The following DNAH3 variants were observed in gnomAD, a reference collection of about 807,000 sequenced individuals.
The protein encoded by DNAH3 is axonemal beta dynein heavy chain 3.
DNAH3 carries 332 observed loss-of-function variants against 432.5 expected under a neutral mutation model. That is an observed-to-expected ratio of 0.77 (90% CI 0.70 to 0.84). The LOEUF is 0.84. Among genes scored for constraint, DNAH3 ranks in the 40% least tolerant of loss-of-function variants. DNAH3 has a pLI of 0.00. For missense variants in DNAH3, 4,861 were observed against 5,114.0 expected, an observed-to-expected ratio of 0.95 and a Z score of 1.51; for synonymous variants, 1,956 against 1,900.2, an observed-to-expected ratio of 1.03 and a Z score of -0.76.
chr16:20,941,394 G>A lies in DNAH3; in HGVS notation c.11654+7C>T. On this transcript the variant is annotated splice_region_variant and intron_variant, in intron 59 of 61. Coordinates refer to ENST00000261383, the Ensembl canonical transcript of DNAH3. ...TCCCAGGATTCAAGCTACATCATCTGGCCCACCTGTTGAATCTGATGAGCT... is the reference window on the plus strand; with the variant it reads ...TCCCAGGATTCAAGCTACATCATCTAGCCCACCTGTTGAATCTGATGAGCT... The A allele has an allele frequency of 6.2e-7, 1 of 1,613,694 alleles. No individual in the cohort carries two copies. The highest frequency in any genetic ancestry group is 8.5e-7 in the Non-Finnish European group (1 of 1,179,826).
chr16:21,101,985 G>A (rs997953521), intron 16 of DNAH3, among the ~76,000 whole-genome samples: 2 of 152,216 alleles, frequency 1.3e-5, no homozygotes, highest in African/African-American at 4.8e-5. Flanking sequence ...TGTGGACTGG[G>A]AAAATAAAGC....
chr16:21,158,750 AGAGCTCG>A (rs1172443971), intron 1 of DNAH3: 7 of 153,138 alleles, frequency 4.6e-5, no homozygotes, highest in Non-Finnish European at 7.3e-5. Context: ...GGAGCAGGTG[AGAGCTCG>A]GAGCTTGGGG....
chr16:20,996,115 T>C (rs562286614), intron 44 of DNAH3, among the ~76,000 whole-genome samples: 4 of 152,354 alleles, frequency 2.6e-5, no homozygotes, highest in African/African-American at 9.6e-5. Context: ...TCTGTTTTTA[T>C]GTGACGATTT....
At chr16:20,979,438 T>C (rs2085752696) in exon 50 of DNAH3, 1 of 1,614,132 alleles carries the variant, frequency 6.2e-7, no homozygotes. Context: ...TTAGAATCAA[T>C]TCAAGGTAGG....
At position 21,141,374 on chromosome 16, in the gene DNAH3, T is replaced by C. The variant is rs754961545; in HGVS notation, c.449-2A>G. 1 of 1,583,630 alleles carries C rather than the reference T, an allele frequency of 6.3e-7. No homozygotes were observed. The highest frequency in any genetic ancestry group is 1.8e-5 in the Admixed American group (1 of 56,412). ...TGGGCTCTGATGAGCTTCTATTTCC[T>C]GGAAGAATGGAGAAGAAAGACATCA... On this transcript the variant is annotated splice_acceptor_variant, in intron 3 of 61. Transcript: ENST00000261383. LOFTEE classifies it high-confidence loss of function.
rs768894217 is a variant in DNAH3, at chr16:20,982,721, T to C, written c.7859A>G (p.Glu2620Gly). The change falls in exon 49 of 62, where the codon GAG becomes GGG. Residue 2620 changes from glutamate (E) to glycine (G), a missense_variant and splice_region_variant. Coordinates refer to ENST00000261383, the Ensembl canonical transcript of DNAH3. ...GTCCTAAAATGCAATCAACACTTAC[T>C]CTACCCGAATGTTGTCATCAAGCTC... 5 of 1,612,656 alleles carry C rather than the reference T, an allele frequency of 3.1e-6. No homozygotes were observed. In the African/African-American group the frequency reaches 6.7e-5, roughly 22 times the overall value.
At position 20,969,233 on chromosome 16, in the gene DNAH3, GCT is replaced by G. The variant is rs949396086; in HGVS notation, c.8458+557_8458+558del. On this transcript the variant is annotated intron_variant, in intron 52 of 61. Transcript: ENST00000261383. ...ATGTCTGCAAGTGTGTTCGTGCATG[GCT>G]CTGTGTGTGCATGTATGTCTATATG... 1.3e-4 allele frequency among the ~76,000 whole-genome samples: 20 copies of G among 149,786 alleles called. 1 individual carries two copies. The highest frequency in any genetic ancestry group is 4.9e-4 in the African/African-American group (20 of 40,542).
At chr16:21,116,346 C>T (rs1446595601) in intron 12 of DNAH3, among the ~76,000 whole-genome samples, 3 of 151,850 alleles carry the variant, frequency 2.0e-5, no homozygotes, top group East Asian at 3.9e-4. Flanking sequence ...ATCATGAGAG[C>T]GGTTACCCTC....
intron 42 of DNAH3, 38 bp from the exon 43 acceptor site, chr16:21,000,556 C>T: frequency 1.9e-6 from 3 of 1,544,870 alleles, no homozygotes; most frequent in Non-Finnish European, 2.6e-6. Flanking sequence ...CGGTTGTGGG[C>T]CCAGGAAGCT....
intron 27 of DNAH3, among the ~76,000 whole-genome samples, chr16:21,055,543 T>C (rs926212132): frequency 3.2e-4 from 48 of 152,180 alleles, no homozygotes; most frequent in Admixed American, 1.3e-4. Flanking sequence ...TATCTTTGTA[T>C]TATATTTTCA....
chr16:20,953,711 A>C (rs1407098950), intron 55 of DNAH3, among the ~76,000 whole-genome samples: 1 of 151,934 alleles, frequency 6.6e-6, no homozygotes, highest in African/African-American at 2.4e-5. Context: ...AGCTGGGACT[A>C]CAGGCTTGTG....
At chr16:21,079,780 T>C (rs1248118823) in intron 20 of DNAH3, among the ~76,000 whole-genome samples, 2 of 152,226 alleles carry the variant, frequency 1.3e-5, no homozygotes, top group East Asian at 3.8e-4. Flanking sequence ...CCTAAGGGTT[T>C]TTATCCTAAA....
intron 49 of DNAH3, among the ~76,000 whole-genome samples, chr16:20,981,735 G>T (rs1278775155): frequency 6.6e-6 from 1 of 151,326 alleles, no homozygotes; most frequent in African/African-American, 2.4e-5. Context: ...AAAATAAATA[G>T]ATAAATAAAT....
chr16:20,939,593 C>G (rs188125016), intron 59 of DNAH3, among the ~76,000 whole-genome samples: 442 of 134,266 alleles, frequency 3.3e-3, no homozygotes, highest in Admixed American at 6.1e-3. Context: ...GTCTGGGTGA[C>G]AAGAGTGAGA....
At chr16:21,048,448 G>A (rs1055463844) in intron 31 of DNAH3, among the ~76,000 whole-genome samples, 5 of 152,168 alleles carry the variant, frequency 3.3e-5, no homozygotes, top group African/African-American at 7.2e-5. Context: ...TCCAGGTGCC[G>A]TCTGTCACCC....
rs2083604397 is a variant in DNAH3, at chr16:20,936,728, C to T, written c.11780G>A (p.Trp3927Ter). The T allele has an allele frequency of 1.9e-6, 3 of 1,609,848 alleles. No individual in the cohort carries two copies. The highest frequency in any genetic ancestry group is 2.5e-6 in the Non-Finnish European group (3 of 1,177,820). The change falls in exon 60 of 62, where the codon TGG becomes TAG. Residue 3927 changes from tryptophan (W) to a stop codon, truncating the protein, a stop_gained. Transcript: ENST00000261383. LOFTEE classifies it high-confidence loss of function. Reference sequence around the variant, plus strand: ...CAGTGATGGGTAAGACTTGGCTGCCCACATGGCTGGCACTTTACCCACAAG... The same window carrying T: ...CAGTGATGGGTAAGACTTGGCTGCCTACATGGCTGGCACTTTACCCACAAG...
chr16:21,145,366 C>CGTT (rs1371690942), exon 3 of DNAH3: 1 of 1,614,154 alleles, frequency 6.2e-7, no homozygotes, highest in Non-Finnish European at 8.5e-7. Flanking sequence ...CCATGACGTG[C>CGTT]GTTGCATCAA....
chr16:21,137,110 G>A (rs2092653937), intron 5 of DNAH3, among the ~76,000 whole-genome samples: 1 of 151,832 alleles, frequency 6.6e-6, no homozygotes, highest in Non-Finnish European at 1.5e-5. Context: ...CTCCAGCCTG[G>A]GTGACCAATC....
chr16:21,152,835 G>T (rs982073173), intron 1 of DNAH3, among the ~76,000 whole-genome samples: 50 of 152,240 alleles, frequency 3.3e-4, no homozygotes, highest in Non-Finnish European at 5.3e-4. Flanking sequence ...GCCTTCCCGC[G>T]GGGCAGGGCT....
Sources: gnomAD v4.1 joint callset for allele counts (sites outside exome capture counted in the v4.1 genomes callset) on GRCh38, gnomAD v4.1.1 for gene constraint, MANE v1.5 for transcripts, NCBI Gene and HGNC (gene_info 2026-07-23, HGNC 2026-07-21) for gene names.